The following OCIAD1 variants were observed in gnomAD, a reference collection of about 807,000 sequenced individuals.
OCIAD1 encodes the protein OCIA domain-containing protein 1.
Under a neutral mutation model 38.9 loss-of-function variants are expected in OCIAD1, and 29 were observed. The ratio of observed to expected loss-of-function variants is 0.74; its 90% CI spans 0.55 to 1.02. The LOEUF (loss-of-function observed/expected upper bound fraction) is 1.02. Among genes scored for constraint, OCIAD1 ranks in the 50% least tolerant of loss-of-function variants. The pLI is 0.00. For synonymous variants in OCIAD1, 110 were observed against 92.0 expected (o/e 1.20, Z -1.12); for missense variants, 288 against 289.6 (o/e 0.99, Z 0.04).
At chr4:48,857,462 T>C in intron 8 of OCIAD1, 97 bp downstream of exon 8, 3 of 659,878 alleles carry the variant, frequency 4.5e-6, no homozygotes, top group Non-Finnish European at 4.6e-6. Context: ...ATATGTGATT[T>C]AACTCTTCAA....
chr4:48,807,410 T>C (rs746910961), intron 1 of OCIAD1, among the ~76,000 whole-genome samples: 11 of 152,106 alleles, frequency 7.2e-5, no homozygotes, highest in Non-Finnish European at 1.5e-4. Context: ...AATATGAACT[T>C]CAGTAAATTA....
chr4:48,822,265 A>C (rs1387907069), intron 1 of OCIAD1, among the ~76,000 whole-genome samples: 19 of 152,246 alleles, frequency 1.2e-4, no homozygotes. Flanking sequence ...CTGATCTTCA[A>C]CAAACCTGAC....
chr4:48,860,987 T>C lies in OCIAD1; in HGVS notation c.*225T>C, dbSNP rs891020611. 3.9e-6 allele frequency: 2 copies of C among 516,764 alleles called. No individual in the cohort carries two copies. Among genetic ancestry groups the C allele is most frequent in the African/African-American group, 4.0e-5 (2 of 50,398 alleles). 32.0% of individuals were successfully genotyped at this position (516,764 alleles called of 1,614,324 possible). A position where few individuals can be genotyped will look rare whatever the true frequency, so the allele number is the denominator to read the frequency against. The stretch of plus-strand genomic sequence containing the variant: ...TAGGGATTCATTTGAATGATGGTAT[T>C]ATACCATGATTGTATACAGTTTGTG... On this transcript the variant is annotated 3_prime_UTR_variant, in exon 9 of 9. Coordinates refer to ENST00000264312, the MANE Select transcript of OCIAD1 (RefSeq NM_017830.4).
intron 4 of OCIAD1, among the ~76,000 whole-genome samples, chr4:48,846,722 TG>T (rs1779010940): frequency 1.4e-5 from 2 of 145,536 alleles, no homozygotes; most frequent in Non-Finnish European, 3.0e-5. Context: ...CACTCCAGCC[TG>T]GGGACAGAGC....
intron 7 of OCIAD1, 44 bp from the exon 8 acceptor site, chr4:48,857,169 T>C (rs748895801): frequency 7.6e-7 from 1 of 1,320,578 alleles, no homozygotes; most frequent in Non-Finnish European, 1.0e-6. Context: ...TTTAGAGTTA[T>C]ACAAATCCTT....
chr4:48,850,643 G>A (rs1247779953), intron 6 of OCIAD1, among the ~76,000 whole-genome samples: 1 of 151,966 alleles, frequency 6.6e-6, no homozygotes, highest in African/African-American at 2.4e-5. Flanking sequence ...GCGTGATCTC[G>A]GCTCACTGCA....
chr4:48,852,699 A>G (rs1779594394), intron 7 of OCIAD1, among the ~76,000 whole-genome samples: 1 of 152,150 alleles, frequency 6.6e-6, no homozygotes. Context: ...AACTGTTGGA[A>G]TTAGAGGAAA....
In OCIAD1 at chr4:48,860,862, C is replaced by T. The variant is rs1780547879; in HGVS notation, c.*100C>T. On this transcript the variant is annotated 3_prime_UTR_variant, in exon 9 of 9. Transcript: ENST00000264312. ...TGAGCTCAGCAGCAGTCTTCATAAA[C>T]ACATTTAAAACAAGATCCTGGGTTT... is the stretch of plus-strand genomic sequence containing the variant. The T allele has an allele frequency of 3.5e-6, 3 of 857,074 alleles. No individual in the cohort carries two copies. Among genetic ancestry groups the T allele is most frequent in the South Asian group, 2.9e-5 (2 of 68,568 alleles). The allele number at this position is 857,074 out of a possible 1,614,324, so 53.1% of individuals were successfully genotyped here. A position where few individuals can be genotyped will look rare whatever the true frequency, so the allele number is the denominator to read the frequency against.
At chr4:48,820,181 T>A (rs1393091340) in intron 1 of OCIAD1, among the ~76,000 whole-genome samples, 1 of 152,008 alleles carries the variant, frequency 6.6e-6, no homozygotes, top group African/African-American at 2.4e-5. Flanking sequence ...TGCAAAAGAA[T>A]GGAAATCATA....
At chr4:48,831,610 G>C in intron 1 of OCIAD1, 5 of 1,206,828 alleles carry the variant, frequency 4.1e-6, no homozygotes, top group Non-Finnish European at 5.5e-6. Flanking sequence ...ATTGTCTTAA[G>C]CGCCGTGTCA....
chr4:48,854,191 G>A (rs1779794460), intron 7 of OCIAD1, among the ~76,000 whole-genome samples: 1 of 152,104 alleles, frequency 6.6e-6, no homozygotes, highest in African/African-American at 2.4e-5. Context: ...TGAAACCTCA[G>A]ATATTACCAA....
At chr4:48,841,466 T>C (rs1778527842) in intron 3 of OCIAD1, among the ~76,000 whole-genome samples, 1 of 152,140 alleles carries the variant, frequency 6.6e-6, no homozygotes, top group Non-Finnish European at 1.5e-5. Flanking sequence ...GTCATAACAA[T>C]GTGTGAAGTT....
chr4:48,840,675 A>C (rs1321997198), intron 3 of OCIAD1, among the ~76,000 whole-genome samples: 1 of 152,186 alleles, frequency 6.6e-6, no homozygotes, highest in Non-Finnish European at 1.5e-5. Context: ...TTTTGTATGC[A>C]TGAGCTAAGA....
intron 4 of OCIAD1, among the ~76,000 whole-genome samples, chr4:48,845,668 C>A (rs1778919009): frequency 1.3e-5 from 2 of 152,182 alleles, no homozygotes; most frequent in Admixed American, 1.3e-4. Flanking sequence ...TATGGCCCTT[C>A]TATAGGCTCC....
chr4:48,850,649 C>G (rs1779361356), intron 6 of OCIAD1, among the ~76,000 whole-genome samples: 1 of 152,208 alleles, frequency 6.6e-6, no homozygotes, highest in Non-Finnish European at 1.5e-5. Context: ...TCTCGGCTCA[C>G]TGCAACCTCT....
At chr4:48,843,733 CAAAA>C (rs762994795) in intron 4 of OCIAD1, among the ~76,000 whole-genome samples, 1 of 151,530 alleles carries the variant, frequency 6.6e-6, no homozygotes, top group Admixed American at 6.6e-5. Context: ...AACAACAAAA[CAAAA>C]AAAACCCCAC....
intron 1 of OCIAD1, among the ~76,000 whole-genome samples, chr4:48,820,151 GT>G (rs1348113114): frequency 6.6e-6 from 1 of 152,116 alleles, no homozygotes; most frequent in Non-Finnish European, 1.5e-5. Flanking sequence ...ATAATTGGAA[GT>G]AAAACCCTCC....
At chr4:48,829,833 T>C (rs1367626358), upstream of OCIAD1, among the ~76,000 whole-genome samples, 1 of 152,322 alleles carries the variant, frequency 6.6e-6, no homozygotes, top group Non-Finnish European at 1.5e-5. Context: ...AACATCTCTG[T>C]CCTAAAGGAG....
chr4:48,820,008 C>T (rs1347918859), intron 1 of OCIAD1, among the ~76,000 whole-genome samples: 3 of 152,116 alleles, frequency 2.0e-5, no homozygotes, highest in Admixed American at 1.3e-4. Context: ...AGATAATTAA[C>T]AAGGATATTC....
Sources: allele counts gnomAD v4.1 joint callset (sites outside exome capture counted in the v4.1 genomes callset), GRCh38; gene constraint gnomAD v4.1.1; transcripts MANE v1.5; gene names NCBI Gene and HGNC (gene_info 2026-07-23, HGNC 2026-07-21).